The following CCNE1 variants were observed in gnomAD, a reference collection of about 807,000 sequenced individuals.
CCNE1 encodes cyclin E1, also known as G1/S-specific cyclin-E1.
CCNE1 carries 8 observed loss-of-function variants against 54.1 expected under a neutral mutation model. The ratio of observed to expected loss-of-function variants is 0.15; its 90% CI spans 0.09 to 0.27. The LOEUF (loss-of-function observed/expected upper bound fraction) is 0.27, where lower values mean the gene tolerates loss of function less well. Ranked by LOEUF, CCNE1 falls within the 10% of genes least tolerant of loss-of-function variation. CCNE1 has a pLI of 1.00. For synonymous variants in CCNE1, 179 were observed against 185.2 expected, an observed-to-expected ratio of 0.97 and a Z score of 0.27; for missense variants, 430 against 514.9, an observed-to-expected ratio of 0.84 and a Z score of 1.60.
At chr19:29,822,180 G>A in intron 9 of CCNE1, 50 bp downstream of exon 9, 3 of 1,611,958 alleles carry the variant, frequency 1.9e-6, no homozygotes, top group Non-Finnish European at 2.5e-6. Flanking sequence ...CAGCTGGAGT[G>A]AGGAACTCTA....
intron 5 of CCNE1, 49 bp from the exon 6 acceptor site, chr19:29,817,357 C>A: frequency 6.2e-7 from 1 of 1,613,530 alleles, no homozygotes; most frequent in Non-Finnish European, 8.5e-7. Context: ...AGCATGGACG[C>A]ATTCTTACCC....
rs537707251 is a variant in CCNE1 at position 29,820,688 on chromosome 19, A to G, written c.463-14A>G. 8.4e-5 allele frequency: 133 copies of G among 1,585,948 alleles called. No homozygotes were observed. In the South Asian group the frequency reaches 1.4e-3, roughly 17 times the overall value. ...AAACTTACTTGTGCTAAAACTTACT[A>G]AATATGTTTTCAGGTGTGTGAAGTC... On this transcript the variant is annotated splice_polypyrimidine_tract_variant and intron_variant, in intron 6 of 11. Transcript: ENST00000262643.
intron 6 of CCNE1, among the ~76,000 whole-genome samples, chr19:29,818,202 A>AT: frequency 6.6e-6 from 1 of 151,936 alleles, no homozygotes; most frequent in South Asian, 2.1e-4. Flanking sequence ...AATTTTTTGT[A>AT]TTTTTAGTAG....
intron 6 of CCNE1, among the ~76,000 whole-genome samples, chr19:29,819,968 C>T (rs1974111703): frequency 6.6e-6 from 1 of 152,238 alleles, no homozygotes; most frequent in South Asian, 2.1e-4. Context: ...GTTTTTAATC[C>T]TCTACTTTCA....
intron 4 of CCNE1, among the ~76,000 whole-genome samples, chr19:29,815,217 T>C (rs1302237607): frequency 6.6e-6 from 1 of 152,272 alleles, no homozygotes; most frequent in African/African-American, 2.4e-5. Context: ...GCCATCTGGC[T>C]GTAGAGGGTG....
intron 4 of CCNE1, 103 bp from the exon 5 acceptor site, chr19:29,817,034 G>A: frequency 8.4e-7 from 1 of 1,184,830 alleles, no homozygotes; most frequent in Non-Finnish European, 1.2e-6. Flanking sequence ...CAGAAGTCAT[G>A]CCTAGTATCT....
In CCNE1 at chr19:29,818,700, C is replaced by T. The variant is rs552641090; in HGVS notation, c.462+1159C>T. Among the ~76,000 whole-genome samples the T allele has an allele frequency of 6.5e-4, 98 of 151,332 alleles. 1 individual carries two copies. The South Asian group carries it at 0.018, about 28-fold the overall frequency. On this transcript the variant is annotated intron_variant, in intron 6 of 11. Transcript: ENST00000262643. ...ATCCCAGCACTTTGGAAGGCCAAGG[C>T]AGAAGGATCCCTTGAGCCCAGGAGT...
intron 11 of CCNE1, 91 bp downstream of exon 11, chr19:29,822,694 A>G: frequency 7.3e-7 from 1 of 1,373,568 alleles, no homozygotes; most frequent in South Asian, 1.4e-5. Context: ...CTGTAAACCC[A>G]GCACTTTGGG....
At position 29,812,899 on chromosome 19, in the gene CCNE1, T is replaced by C. The variant is rs1000533643; in HGVS notation, c.112-70T>C. On this transcript the variant is annotated intron_variant, in intron 3 of 11. Transcript: ENST00000262643. ...ACGGAGCTCATAACCTGATCAGCTT[T>C]CTCTTCTTCTCTCTGTTTTTGTCTT... The C allele has an allele frequency of 3.7e-6, 6 of 1,601,396 alleles. No individual in the cohort carries two copies. The African/African-American group carries it at 4.0e-5, about 11-fold the overall frequency.
rs1399940029 is a variant in CCNE1 at position 29,822,446 on chromosome 19, G to C, written c.953G>C (p.Gly318Ala). The C allele has an allele frequency of 1.9e-6, 3 of 1,613,946 alleles. No homozygotes were observed. The South Asian group carries it at 3.3e-5, about 18-fold the overall frequency. Residue 318 changes from glycine (G) to alanine (A), a missense_variant and splice_region_variant, in exon 11 of 12, where the codon GGG (glycine) becomes GCG (alanine). Coordinates refer to ENST00000262643, the MANE Select transcript of CCNE1 (RefSeq NM_001238.4). ...TAAGCCCACGATGTCTTCACTGCAG[G>C]GTATCAGTGGTGCGACATAGAGAAC... ...SSSELMQKVSGYQWCDIENCV... is the reference protein window; with the variant it reads ...SSSELMQKVSAYQWCDIENCV...
rs1013655139 is a variant in CCNE1, at chr19:29,824,044, C to T, written c.*267C>T. 2.8e-6 allele frequency: 1 copy of T among 360,034 alleles called. No individual in the cohort carries two copies. The highest frequency in any genetic ancestry group is 5.0e-6 in the Non-Finnish European group (1 of 199,826). The allele number at this position is 360,034 out of a possible 1,614,324, so 22.3% of individuals were successfully genotyped here. On this transcript the variant is annotated 3_prime_UTR_variant, in exon 12 of 12. Coordinates refer to ENST00000262643, the MANE Select transcript of CCNE1 (RefSeq NM_001238.4). The stretch of plus-strand genomic sequence containing the variant: ...CCCGATGCTGCTATGGAAGGTGCTA[C>T]TTGACCTAAGGGACTCCCACAACAA...
chr19:29,819,328 G>T (rs1293748002), intron 6 of CCNE1, among the ~76,000 whole-genome samples: 1 of 151,822 alleles, frequency 6.6e-6, no homozygotes, highest in Non-Finnish European at 1.5e-5. Context: ...TGTCACCCAA[G>T]CTGGAGTGTA....
chr19:29,812,619 A>T (rs1171770347), intron 2 of CCNE1, 41 bp downstream of exon 2: 1 of 1,545,192 alleles, frequency 6.5e-7, no homozygotes, highest in South Asian at 1.2e-5. Flanking sequence ...ACGGGACGGG[A>T]CGGGACGGGT....
At position 29,822,049 on chromosome 19, in the gene CCNE1, C is replaced by T. The variant is rs1210988315; in HGVS notation, c.759C>T (p.Tyr253=). ...PLTIVSWLNV[Y]MQVAYLNDLH... is the part of the protein sequence containing the mutation. Reference sequence around the variant, plus strand: ...CTATTGTGTCCTGGCTGAATGTATACATGCAGGTTGCATATCTAAATGACT... The same window carrying T: ...CTATTGTGTCCTGGCTGAATGTATATATGCAGGTTGCATATCTAAATGACT... The change falls in exon 9 of 12, where the codon TAC becomes TAT. Residue 253 remains tyrosine, a synonymous_variant. Coordinates refer to ENST00000262643, the MANE Select transcript of CCNE1 (RefSeq NM_001238.4). 5 of 1,612,798 alleles carry T rather than the reference C, an allele frequency of 3.1e-6. No homozygotes were observed. The highest frequency in any genetic ancestry group is 4.2e-6 in the Non-Finnish European group (5 of 1,178,776).
intron 4 of CCNE1, chr19:29,813,254 TC>T: frequency 1.7e-6 from 1 of 580,878 alleles, no homozygotes; most frequent in Non-Finnish European, 3.1e-6. Context: ...ACTGGCACCG[TC>T]TGAGATTACA....
At chr19:29,816,208 A>G (rs1974013697) in intron 4 of CCNE1, among the ~76,000 whole-genome samples, 2 of 151,668 alleles carry the variant, frequency 1.3e-5, no homozygotes, top group Non-Finnish European at 1.5e-5. Context: ...CTTCCATGCT[A>G]GTAGGATTGT....
chr19:29,823,693 A>T lies in CCNE1; in HGVS notation c.1149A>T (p.Gln383His). ...CAAAGAAAGCCATGTTGTCTGAACA[A>T]AATAGGGCTTCTCCTCTCCCCAGTG... ...ARAKKAMLSE[Q>H]NRASPLPSGL... is the part of the protein sequence containing the mutation. Residue 383 changes from glutamine (Q) to histidine (H), a missense_variant, in exon 12 of 12, where the codon CAA becomes CAT. Physicochemically the swap from Gln to His is conservative, Grantham distance 24 (BLOSUM62 0). Coordinates refer to ENST00000262643, the MANE Select transcript of CCNE1 (RefSeq NM_001238.4). 1 of 1,614,224 alleles carries T rather than the reference A, an allele frequency of 6.2e-7. No homozygotes were observed. Among genetic ancestry groups the T allele is most frequent in the East Asian group, 2.2e-5 (1 of 44,888 alleles).
rs2145730621 is a variant in CCNE1 at position 29,822,611 on chromosome 19, C to A, written c.1110+8C>A. 1 of 1,588,836 alleles carries A rather than the reference C, an allele frequency of 6.3e-7. No homozygotes were observed. Among genetic ancestry groups the A allele is most frequent in the Non-Finnish European group, 8.6e-7 (1 of 1,164,670 alleles). On this transcript the variant is annotated splice_region_variant and intron_variant, in intron 11 of 11. Coordinates refer to ENST00000262643, the MANE Select transcript of CCNE1 (RefSeq NM_001238.4). ...GACAGCTTGGATTTGCTGGTCAGTG[C>A]TGCTCCTTCTTTCAGTCCTTCTTGG... is the stretch of plus-strand genomic sequence containing the variant.
intron 4 of CCNE1, among the ~76,000 whole-genome samples, chr19:29,816,726 A>G (rs1409197087): frequency 2.0e-5 from 3 of 152,116 alleles, no homozygotes; most frequent in Admixed American, 6.6e-5. Flanking sequence ...TATACTTTTA[A>G]GTTTTAGGGT....
Sources: allele counts gnomAD v4.1 joint callset (sites outside exome capture counted in the v4.1 genomes callset), GRCh38; gene constraint gnomAD v4.1.1; transcripts MANE v1.5; gene names NCBI Gene and HGNC (gene_info 2026-07-23, HGNC 2026-07-21).